The following SEMA3E variants were observed in gnomAD, a reference collection of about 807,000 sequenced individuals.
SEMA3E encodes semaphorin 3E.
Under a neutral mutation model 93.6 loss-of-function variants are expected in SEMA3E, and 49 were observed. The ratio of observed to expected loss-of-function variants is 0.52; its 90% confidence interval spans 0.42 to 0.66. The LOEUF is 0.66. Ranked by LOEUF, SEMA3E falls within the 30% of genes least tolerant of loss-of-function variation. The pLI is 0.00. For synonymous variants in SEMA3E, 363 were observed against 330.7 expected (o/e 1.10, Z -1.06); for missense variants, 906 against 964.8 (o/e 0.94, Z 0.81).
At chr7:83,453,548 A>G (rs1295601279) in intron 4 of SEMA3E, among the ~76,000 whole-genome samples, 1 of 152,180 alleles carries the variant, frequency 6.6e-6, no homozygotes, top group Admixed American at 6.5e-5. Flanking sequence ...TAGTCTGCAG[A>G]ATGAAAAACT....
At chr7:83,509,697 A>C (rs939658528) in intron 1 of SEMA3E, among the ~76,000 whole-genome samples, 1 of 152,252 alleles carries the variant, frequency 6.6e-6, no homozygotes, top group South Asian at 2.1e-4. Context: ...GAAGCTCTTA[A>C]AATGTTGATG....
In SEMA3E at chr7:83,367,534, T is replaced by C. The variant is rs1253088523; in HGVS notation, c.*52A>G. On this transcript the variant is annotated 3_prime_UTR_variant, in exon 17 of 17. Coordinates refer to ENST00000643230, the MANE Select transcript of SEMA3E (RefSeq NM_012431.3). Reference sequence around the variant, plus strand: ...AGTTGGATGATTTATTTTTTTACTTTTTTACTTTCCAAATATAAATTCTTC... The same window carrying C: ...AGTTGGATGATTTATTTTTTTACTTCTTTACTTTCCAAATATAAATTCTTC... 6.3e-7 allele frequency: 1 copy of C among 1,583,552 alleles called. No individual in the cohort carries two copies. The highest frequency in any genetic ancestry group is 8.7e-7 in the Non-Finnish European group (1 of 1,152,790).
intron 4 of SEMA3E, among the ~76,000 whole-genome samples, chr7:83,438,933 C>A (rs913681375): frequency 6.6e-6 from 1 of 152,180 alleles, no homozygotes; most frequent in African/African-American, 2.4e-5. Context: ...TATGGATTTT[C>A]TCTTCTGTGT....
At chr7:83,642,444 C>A (rs1254239734) in intron 1 of SEMA3E, among the ~76,000 whole-genome samples, 3 of 152,074 alleles carry the variant, frequency 2.0e-5, no homozygotes, top group African/African-American at 7.2e-5. Context: ...CAAAAATGTT[C>A]TCTTAATATC....
intron 1 of SEMA3E, among the ~76,000 whole-genome samples, chr7:83,622,869 T>A (rs766193916): frequency 6.6e-6 from 1 of 151,642 alleles, no homozygotes; most frequent in African/African-American, 2.4e-5. Flanking sequence ...GAAGAACAAC[T>A]AATGGGTGCT....
In SEMA3E at chr7:83,367,899, A is replaced by G; in HGVS notation, c.2015T>C (p.Val672Ala). The G allele has an allele frequency of 6.2e-7, 1 of 1,609,830 alleles. No homozygotes were observed. The highest frequency in any genetic ancestry group is 8.5e-7 in the Non-Finnish European group (1 of 1,177,466). ...VHTVRKITLEVVEEEKVEDMF... is the reference protein window; with the variant it reads ...VHTVRKITLEAVEEEKVEDMF... ...ATCCTCGACTTTCTCCTCTTCCACTACCTCCAAGGTGATTTTACGGACCGT... is the reference window on the plus strand; with the variant it reads ...ATCCTCGACTTTCTCCTCTTCCACTGCCTCCAAGGTGATTTTACGGACCGT... Residue 672 changes from valine (V) to alanine (A), a missense_variant, in exon 17 of 17, where the codon GTA becomes GCA. Transcript: ENST00000643230.
At chr7:83,371,703 C>T (rs1363765353) in intron 16 of SEMA3E, 1 of 152,100 alleles carries the variant, frequency 6.6e-6, no homozygotes, top group Non-Finnish European at 1.5e-5. Context: ...TTTCATAATT[C>T]TTTATGCTGC....
intron 4 of SEMA3E, among the ~76,000 whole-genome samples, chr7:83,419,731 T>C (rs2723034): frequency 0.53 from 80,762 of 151,942 alleles, 23,351 homozygotes; most frequent in East Asian, 0.84. Context: ...TGTCTTCTTT[T>C]TAGAAGTACC....
At chr7:83,553,158 A>C (rs1345315474) in intron 1 of SEMA3E, among the ~76,000 whole-genome samples, 1 of 152,058 alleles carries the variant, frequency 6.6e-6, no homozygotes, top group Non-Finnish European at 1.5e-5. Flanking sequence ...CCATCGGTAA[A>C]ATTCCTCTCT....
intron 1 of SEMA3E, among the ~76,000 whole-genome samples, chr7:83,508,811 G>A (rs1052362256): frequency 5.3e-5 from 8 of 151,872 alleles, no homozygotes; most frequent in African/African-American, 1.9e-4. Context: ...AATTGCCATG[G>A]GTAAAATAAT....
At position 83,400,231 on chromosome 7, in the gene SEMA3E, C is replaced by G; in HGVS notation, c.1163G>C (p.Gly388Ala). Reference protein sequence around the residue: ...RPGSCASKVNGGRYGTTKDYP... With the variant: ...RPGSCASKVNAGRYGTTKDYP... ...GTCCTTGGTGGTTCCGTATCTCCCT[C>G]CATTTACTTTGCTGGCACACTGAAA... Residue 388 changes from glycine to alanine, a missense_variant, in exon 11 of 17, where the codon GGA becomes GCA. Gly to Ala is a moderately conservative substitution (Grantham distance 60). Coordinates refer to ENST00000643230, the MANE Select transcript of SEMA3E (RefSeq NM_012431.3). The G allele has an allele frequency of 6.2e-7, 1 of 1,613,922 alleles. No individual in the cohort carries two copies. Among genetic ancestry groups the G allele is most frequent in the Non-Finnish European group, 8.5e-7 (1 of 1,179,916 alleles).
intron 4 of SEMA3E, among the ~76,000 whole-genome samples, chr7:83,424,215 TGAA>T (rs1788726157): frequency 6.6e-6 from 1 of 152,158 alleles, no homozygotes; most frequent in Non-Finnish European, 1.5e-5. Flanking sequence ...TTCTCAAGTT[TGAA>T]GAATATTGTA....
At chr7:83,469,429 T>A (rs1397544072) in intron 2 of SEMA3E, 127 bp from the exon 3 acceptor site, 1 of 647,300 alleles carries the variant, frequency 1.5e-6, no homozygotes, top group Non-Finnish European at 2.7e-6. Context: ...TCTGATAAGA[T>A]ACAGTGGGTC....
At chr7:83,617,081 C>A (rs376405263) in intron 1 of SEMA3E, among the ~76,000 whole-genome samples, 1 of 151,938 alleles carries the variant, frequency 6.6e-6, no homozygotes, top group Non-Finnish European at 1.5e-5. Flanking sequence ...GGTTACAATA[C>A]CAAACTATAC....
intron 4 of SEMA3E, among the ~76,000 whole-genome samples, chr7:83,459,698 C>A (rs541222120): frequency 1.3e-5 from 2 of 152,280 alleles, no homozygotes; most frequent in African/African-American, 2.4e-5. Context: ...GCCAAGCCAT[C>A]GCATCCCCTG....
Position 83,400,037 on chromosome 7 carries a change from T to A in SEMA3E, c.1357A>T (p.Ile453Phe), listed in dbSNP as rs1339163255. The change falls in exon 11 of 17, where the codon ATT (isoleucine) becomes TTT (phenylalanine). Residue 453 changes from isoleucine (I) to phenylalanine (F), a missense_variant. Coordinates refer to ENST00000643230, the MANE Select transcript of SEMA3E (RefSeq NM_012431.3). ...TTTCTCGTCTCTTTACCTGTCCCAA[T>A]AAACAAGACGTCATATTGGCCATCC... ...AEDGQYDVLF[I>F]GTDNGIVLKV... The A allele has an allele frequency of 1.9e-6, 3 of 1,611,552 alleles. No homozygotes were observed. Among genetic ancestry groups the A allele is most frequent in the Admixed American group, 1.7e-5 (1 of 59,988 alleles).
In SEMA3E at chr7:83,502,672, T is replaced by A. The variant is rs376522429; in HGVS notation, c.116-12398A>T. Among the ~76,000 whole-genome samples the A allele has an allele frequency of 5.3e-5, 8 of 152,232 alleles. 1 individual carries two copies. In the East Asian group the frequency reaches 9.6e-4, roughly 18 times the overall value. On this transcript the variant is annotated intron_variant, in intron 1 of 16. Coordinates refer to ENST00000643230, the MANE Select transcript of SEMA3E (RefSeq NM_012431.3). Reference sequence around the variant, plus strand: ...TAAGTTGCACCATTATCTTTTCATATCCTGTATTGCATGAATGCTACTAGG... The same window carrying A: ...TAAGTTGCACCATTATCTTTTCATAACCTGTATTGCATGAATGCTACTAGG...
At chr7:83,509,517 C>T (rs995672607) in intron 1 of SEMA3E, among the ~76,000 whole-genome samples, 38 of 152,234 alleles carry the variant, frequency 2.5e-4, no homozygotes, top group African/African-American at 8.9e-4. Context: ...TTACCTTACC[C>T]TTCCCCATGA....
chr7:83,483,921 A>G (rs768630230), intron 2 of SEMA3E, among the ~76,000 whole-genome samples: 1 of 152,176 alleles, frequency 6.6e-6, no homozygotes, highest in Middle Eastern at 3.2e-3. Flanking sequence ...TCACCATGGG[A>G]AGTATTGACC....
Sources: allele counts gnomAD v4.1 joint callset (sites outside exome capture counted in the v4.1 genomes callset), GRCh38; gene constraint gnomAD v4.1.1; transcripts MANE v1.5; gene names NCBI Gene and HGNC (gene_info 2026-07-23, HGNC 2026-07-21).